FXYD6: variants seen among roughly 807,000 people sequenced by gnomAD.
FXYD6 encodes the protein FXYD domain-containing ion transport regulator 6.
In FXYD6, 7 loss-of-function variants were observed where a neutral mutation model predicts 16.7. That is an observed-to-expected ratio of 0.42 (90% CI 0.24 to 0.79). The LOEUF (loss-of-function observed/expected upper bound fraction) is 0.79, where lower values mean the gene tolerates loss of function less well. Among genes scored for constraint, FXYD6 ranks in the 30% least tolerant of loss-of-function variants. The pLI, the probability that FXYD6 is intolerant of heterozygous loss-of-function variation, is 0.28. For missense variants in FXYD6, 111 were observed against 116.2 expected, an observed-to-expected ratio of 0.95 and a Z score of 0.21; for synonymous variants, 49 against 43.0, an observed-to-expected ratio of 1.14 and a Z score of -0.54.
chr11:117,868,808 A>G (rs192916381), intron 1 of FXYD6: 16 of 152,344 alleles, frequency 1.1e-4, no homozygotes, highest in African/African-American at 3.6e-4. Context: ...TGTTCTAAAA[A>G]GATAGTCTAT....
At chr11:117,861,375 G>A (rs1020500143) in intron 1 of FXYD6, among the ~76,000 whole-genome samples, 1 of 152,240 alleles carries the variant, frequency 6.6e-6, no homozygotes, top group East Asian at 1.9e-4. Flanking sequence ...GAGCTGGCAG[G>A]GGAGAGAGGC....
intron 1 of FXYD6, among the ~76,000 whole-genome samples, chr11:117,869,601 G>A (rs2057091051): frequency 6.6e-6 from 1 of 152,126 alleles, no homozygotes; most frequent in African/African-American, 2.4e-5. Flanking sequence ...TTTTTAACCT[G>A]GAGGCACCTT....
intron 1 of FXYD6, among the ~76,000 whole-genome samples, chr11:117,850,723 G>A (rs1172131681): frequency 6.6e-6 from 1 of 151,262 alleles, no homozygotes; most frequent in Non-Finnish European, 1.5e-5. Flanking sequence ...GAACTCCTGG[G>A]CTCAGGTGAT....
intron 1 of FXYD6, among the ~76,000 whole-genome samples, chr11:117,868,072 G>A (rs571262400): frequency 3.3e-5 from 5 of 152,306 alleles, no homozygotes; most frequent in African/African-American, 1.2e-4. Context: ...CCTGTCGCCT[G>A]TCGTTGGCAC....
At position 117,841,567 on chromosome 11, in the gene FXYD6, T is replaced by C. The variant is rs2056344594; in HGVS notation, c.172+224A>G. ...ACTGGGAAGCCACCCTGCTCGTTCC[T>C]ATCTATGCTCATTGTCATATGACAT... On this transcript the variant is annotated intron_variant, in intron 4 of 7. Transcript: ENST00000526014. The C allele has an allele frequency of 9.8e-6, 6 of 613,900 alleles. No individual in the cohort carries two copies. In the South Asian group the frequency reaches 1.2e-4, roughly 12 times the overall value. The allele number at this position is 613,900 out of a possible 1,614,324, so 38.0% of individuals were successfully genotyped here. A position where few individuals can be genotyped will look rare whatever the true frequency, so the allele number is the denominator to read the frequency against.
rs771725321 is a variant in FXYD6 at position 117,837,604 on chromosome 11, A to T, written c.*695T>A. On this transcript the variant is annotated 3_prime_UTR_variant, in exon 8 of 8. Coordinates refer to ENST00000526014, the MANE Select transcript of FXYD6 (RefSeq NM_022003.4). The surrounding 1 kb of genome is among the most constrained non-coding windows in gnomAD (Gnocchi z 4.4). Reference sequence around the variant, plus strand: ...ACTCCTCGTGGAAGCCCCTGGGAAGAAATTAACCACGGAAGGGCATAGCCT... The same window carrying T: ...ACTCCTCGTGGAAGCCCCTGGGAAGTAATTAACCACGGAAGGGCATAGCCT... 6.5e-6 allele frequency: 1 copy of T among 152,920 alleles called. No individual in the cohort carries two copies. Among genetic ancestry groups the T allele is most frequent in the African/African-American group, 2.4e-5 (1 of 41,442 alleles). The allele number at this position is 152,920 out of a possible 1,614,324, so 9.5% of individuals were successfully genotyped here.
intron 1 of FXYD6, among the ~76,000 whole-genome samples, chr11:117,869,392 C>T (rs1331325156): frequency 2.0e-5 from 3 of 152,234 alleles, no homozygotes; most frequent in Admixed American, 6.5e-5. Flanking sequence ...CCTCTCCTGT[C>T]AGGCGCCTTC....
chr11:117,839,350 T>C (rs890884650), intron 7 of FXYD6: 1 of 186,940 alleles, frequency 5.3e-6, no homozygotes, highest in Admixed American at 5.5e-5. Flanking sequence ...ATATACTATT[T>C]GCTCTACTTT....
chr11:117,870,261 G>C lies in FXYD6; in HGVS notation c.-6+6331C>G, dbSNP rs117463512. 6.6e-6 allele frequency among the ~76,000 whole-genome samples: 1 copy of C among 152,202 alleles called. No individual in the cohort carries two copies. The highest frequency in any genetic ancestry group is 1.5e-5 in the Non-Finnish European group (1 of 68,026). On this transcript the variant is annotated intron_variant, in intron 1 of 7. Transcript: ENST00000526014. The surrounding 1 kb of genome is among the most constrained non-coding windows in gnomAD (Gnocchi z 4.2). Reference sequence around the variant, plus strand: ...CCCCTCTGGTTCCCCAGGAGATCTCGGTCTGGCTCCAGAGAGTCTGAATGG... The same window carrying C: ...CCCCTCTGGTTCCCCAGGAGATCTCCGTCTGGCTCCAGAGAGTCTGAATGG...
At chr11:117,853,480 C>T (rs1382649574) in intron 1 of FXYD6, among the ~76,000 whole-genome samples, 1 of 152,084 alleles carries the variant, frequency 6.6e-6, no homozygotes, top group Non-Finnish European at 1.5e-5. Context: ...GCTTCACATA[C>T]TCCAGTGCTA....
intron 1 of FXYD6, among the ~76,000 whole-genome samples, chr11:117,845,627 A>G (rs535309808): frequency 6.6e-6 from 1 of 152,266 alleles, no homozygotes; most frequent in South Asian, 2.1e-4. Flanking sequence ...CTGCCAATGG[A>G]TGTCTGTTTC....
rs769065349 is a variant in FXYD6 at position 117,838,163 on chromosome 11, G to A, written c.*136C>T. On this transcript the variant is annotated 3_prime_UTR_variant, in exon 8 of 8. Coordinates refer to ENST00000526014, the MANE Select transcript of FXYD6 (RefSeq NM_022003.4). ...ATGGTGTTAGAGGGGATAGGGTGGG[G>A]GACACACAAGTTCTTGGCTTCTCCT... The A allele has an allele frequency of 1.0e-5, 7 of 701,396 alleles. No individual in the cohort carries two copies. The highest frequency in any genetic ancestry group is 2.8e-4 in the Middle Eastern group (1 of 3,564). 43.4% of individuals were successfully genotyped at this position (701,396 alleles called of 1,614,324 possible). A position where few individuals can be genotyped will look rare whatever the true frequency, so the allele number is the denominator to read the frequency against.
chr11:117,849,416 C>A (rs1054215750), intron 1 of FXYD6, among the ~76,000 whole-genome samples: 6 of 152,174 alleles, frequency 3.9e-5, no homozygotes, highest in African/African-American at 1.2e-4. Flanking sequence ...TGACCTAGTA[C>A]ATGGTCAGTT....
At chr11:117,863,948 A>C (rs2056961489) in intron 1 of FXYD6, among the ~76,000 whole-genome samples, 1 of 152,226 alleles carries the variant, frequency 6.6e-6, no homozygotes, top group African/African-American at 2.4e-5. Flanking sequence ...AAATTAAAGA[A>C]GATGTAAATA....
intron 1 of FXYD6, among the ~76,000 whole-genome samples, chr11:117,858,697 TTC>T (rs1161214898): frequency 1.1e-4 from 6 of 56,044 alleles, no homozygotes; most frequent in Admixed American, 4.0e-4. Flanking sequence ...CTTTCTTTCT[TTC>T]TTTCTCTCTC....
chr11:117,841,037 G>A, intron 5 of FXYD6, 111 bp downstream of exon 5: 1 of 1,398,656 alleles, frequency 7.1e-7, no homozygotes, highest in African/African-American at 1.4e-5. Flanking sequence ...CACACGTTCT[G>A]CCTCCGAGAC....
At chr11:117,864,991 T>C (rs1239533984) in intron 1 of FXYD6, among the ~76,000 whole-genome samples, 2 of 152,182 alleles carry the variant, frequency 1.3e-5, no homozygotes, top group Non-Finnish European at 2.9e-5. Context: ...ATACATCTGC[T>C]AGAGACCTCC....
intron 1 of FXYD6, among the ~76,000 whole-genome samples, chr11:117,874,626 C>G (rs762489919): frequency 9.9e-5 from 15 of 152,238 alleles, no homozygotes; most frequent in Non-Finnish European, 1.5e-5. Flanking sequence ...TTCCTTCTCT[C>G]CTTTGTTAGG....
intron 7 of FXYD6, 104 bp from the exon 8 acceptor site, chr11:117,838,381 T>G: frequency 1.4e-6 from 1 of 693,146 alleles, no homozygotes. Context: ...ATTCCCGGTA[T>G]GACAGCCTCG....
Sources: gnomAD v4.1 joint callset for allele counts (sites outside exome capture counted in the v4.1 genomes callset) on GRCh38, gnomAD v4.1.1 for gene constraint, Gnocchi (gnomAD v3.1) non-coding constraint, MANE v1.5 for transcripts, NCBI Gene and HGNC (gene_info 2026-07-23, HGNC 2026-07-21) for gene names.